SLC24A2: variants seen among roughly 807,000 people sequenced by gnomAD.
The protein encoded by SLC24A2 is solute carrier family 24 member 2, also known as sodium/potassium/calcium exchanger 2.
Under a neutral mutation model 62.0 loss-of-function variants are expected in SLC24A2, and 36 were observed. That is an observed-to-expected ratio of 0.58 (90% CI 0.44 to 0.77). The LOEUF (loss-of-function observed/expected upper bound fraction) is 0.77, where lower values mean the gene tolerates loss of function less well. Among genes scored for constraint, SLC24A2 ranks in the 30% least tolerant of loss-of-function variants. SLC24A2 has a pLI of 0.00. For missense variants in SLC24A2, 846 were observed against 817.9 expected, an observed-to-expected ratio of 1.03 and a Z score of -0.42; for synonymous variants, 358 against 294.0, an observed-to-expected ratio of 1.22 and a Z score of -2.23.
the SLC24A2 span, among the ~76,000 whole-genome samples, chr9:20,102,807 A>G: frequency 6.6e-6 from 1 of 152,130 alleles, no homozygotes; most frequent in Admixed American, 6.5e-5. Context: ...CATCTCAGGT[A>G]CTGAGTTCAT....
chr9:19,636,315 T>TTTTCTTTTCTTTTCTTCCTTTCTTTC, intron 2 of SLC24A2, among the ~76,000 whole-genome samples: 1 of 40,328 alleles, frequency 2.5e-5, no homozygotes, highest in Non-Finnish European at 4.7e-5. Flanking sequence ...TTTTCTTTTC[T>TTTTCTTTTCTTTTCTTCCTTTCTTTC]TTTCTTTCTT....
rs1395764987 is a variant in SLC24A2, at chr9:19,618,829, C to G, written c.1078+755G>C. Among the ~76,000 whole-genome samples, 7 of 152,282 alleles carry G rather than the reference C, an allele frequency of 4.6e-5. No homozygotes were observed. The East Asian group carries it at 1.2e-3, about 25-fold the overall frequency. On this transcript the variant is annotated intron_variant, in intron 4 of 10. Transcript: ENST00000341998. ...TACTTGGTTATATTTGAACCCCTTA[C>G]TAGTGACAAAACTAATATTTATTTG...
the SLC24A2 span, among the ~76,000 whole-genome samples, chr9:19,970,548 T>G: frequency 1.1e-4 from 16 of 152,332 alleles, no homozygotes; most frequent in East Asian, 2.9e-3. Context: ...TTCTGCAAGT[T>G]TTATGAGAAA....
the SLC24A2 span, among the ~76,000 whole-genome samples, chr9:20,194,431 A>ATG: frequency 2.6e-5 from 4 of 152,096 alleles, no homozygotes; most frequent in African/African-American, 9.7e-5. Flanking sequence ...TCACATGCTC[A>ATG]TGGCCACTCC....
intron 2 of SLC24A2, among the ~76,000 whole-genome samples, chr9:19,731,554 C>T (rs1315216343): frequency 6.7e-6 from 1 of 149,782 alleles, no homozygotes; most frequent in Non-Finnish European, 1.5e-5. Context: ...CATGTGTGCA[C>T]ATGCACACAG....
chr9:19,985,176 T>C, the SLC24A2 span, among the ~76,000 whole-genome samples: 1 of 152,190 alleles, frequency 6.6e-6, no homozygotes, highest in Non-Finnish European at 1.5e-5. Flanking sequence ...GAAAACAGTT[T>C]GGCAGTTTTT....
intron 2 of SLC24A2, among the ~76,000 whole-genome samples, chr9:19,771,351 A>T (rs1822681510): frequency 6.6e-6 from 1 of 152,224 alleles, no homozygotes; most frequent in Admixed American, 6.5e-5. Context: ...GCAGAGCATT[A>T]ACACGCCAAA....
At chr9:20,270,503 G>C in the SLC24A2 span, among the ~76,000 whole-genome samples, 5 of 152,098 alleles carry the variant, frequency 3.3e-5, no homozygotes, top group East Asian at 1.9e-4. Context: ...TCAAATTCAA[G>C]TTTATTACTT....
chr9:19,913,649 C>T, the SLC24A2 span, among the ~76,000 whole-genome samples: 5 of 152,114 alleles, frequency 3.3e-5, no homozygotes, highest in African/African-American at 4.8e-5. Flanking sequence ...TGCTTTATTG[C>T]TTTCATTGTA....
At chr9:19,645,379 T>A (rs1022352786) in intron 2 of SLC24A2, among the ~76,000 whole-genome samples, 1 of 152,230 alleles carries the variant, frequency 6.6e-6, no homozygotes, top group African/African-American at 2.4e-5. Context: ...GCTGCATAGT[T>A]ACAACTAATA....
chr9:19,637,922 A>T (rs10811219), intron 2 of SLC24A2, among the ~76,000 whole-genome samples: 1 of 152,030 alleles, frequency 6.6e-6, no homozygotes, highest in Non-Finnish European at 1.5e-5. Flanking sequence ...ATTGGGGGGT[A>T]GTTTGCTTGC....
chr9:20,052,516 G>T, the SLC24A2 span, among the ~76,000 whole-genome samples: 1 of 152,142 alleles, frequency 6.6e-6, no homozygotes, highest in Non-Finnish European at 1.5e-5. Flanking sequence ...ATCTTCTTCT[G>T]TTCCCGTTTT....
chr9:19,851,436 T>C, the SLC24A2 span, among the ~76,000 whole-genome samples: 1 of 152,128 alleles, frequency 6.6e-6, no homozygotes, highest in Non-Finnish European at 1.5e-5. Flanking sequence ...TGTCAACCCA[T>C]CACCTAGGTA....
chr9:20,083,331 T>G, the SLC24A2 span, among the ~76,000 whole-genome samples: 1 of 150,090 alleles, frequency 6.7e-6, no homozygotes, highest in Non-Finnish European at 1.5e-5. Context: ...ACCTTACAAC[T>G]GACCAAATGA....
At chr9:20,042,487 G>C in the SLC24A2 span, among the ~76,000 whole-genome samples, 3 of 152,164 alleles carry the variant, frequency 2.0e-5, no homozygotes, top group African/African-American at 7.2e-5. Context: ...GAAAACCAAA[G>C]TTATCTAACC....
At chr9:19,893,869 T>G in the SLC24A2 span, among the ~76,000 whole-genome samples, 1 of 152,110 alleles carries the variant, frequency 6.6e-6, no homozygotes, top group African/African-American at 2.4e-5. Context: ...CACACAGGGG[T>G]TCTGTCTGAT....
intron 2 of SLC24A2, chr9:19,705,243 T>C (rs1218997939): frequency 6.6e-6 from 1 of 152,204 alleles, no homozygotes; most frequent in Non-Finnish European, 1.5e-5. Context: ...AGACATTTAT[T>C]ATAAAGGAAA....
At chr9:20,009,338 T>A in the SLC24A2 span, among the ~76,000 whole-genome samples, 2 of 149,264 alleles carry the variant, frequency 1.3e-5, no homozygotes, top group African/African-American at 2.5e-5. Context: ...TGAGCTGAGA[T>A]TGGGTTGCTG....
At chr9:19,896,661 C>G in the SLC24A2 span, among the ~76,000 whole-genome samples, 4 of 152,168 alleles carry the variant, frequency 2.6e-5, no homozygotes, top group Non-Finnish European at 5.9e-5. Flanking sequence ...ATGGTAGAGT[C>G]AGGATTTGAA....
Sources: gnomAD v4.1 joint callset for allele counts (sites outside exome capture counted in the v4.1 genomes callset) on GRCh38, gnomAD v4.1.1 for gene constraint, MANE v1.5 for transcripts, NCBI Gene and HGNC (gene_info 2026-07-23, HGNC 2026-07-21) for gene names.